SVIL: variants seen among roughly 807,000 people sequenced by gnomAD.
SVIL encodes the protein archvillin.
SVIL carries 101 observed loss-of-function variants against 240.4 expected under a neutral mutation model. The observed-to-expected ratio is 0.42, with a 90% CI of 0.36 to 0.50. SVIL has a LOEUF of 0.50. Ranked by LOEUF, SVIL falls within the 20% of genes least tolerant of loss-of-function variation. SVIL has a pLI of 0.01. For synonymous variants in SVIL, 999 were observed against 1,100.0 expected (o/e 0.91, Z 1.82); for missense variants, 2,512 against 2,818.7 (o/e 0.89, Z 2.46).
At chr10:29,609,025 C>T (rs1589379099) in intron 1 of SVIL, among the ~76,000 whole-genome samples, 1 of 152,212 alleles carries the variant, frequency 6.6e-6, no homozygotes, top group Non-Finnish European at 1.5e-5. Context: ...CCCATAAAAA[C>T]CCCAGACTCA....
At chr10:29,610,419 C>T (rs926506367) in intron 1 of SVIL, among the ~76,000 whole-genome samples, 3 of 150,828 alleles carry the variant, frequency 2.0e-5, no homozygotes, top group Non-Finnish European at 4.4e-5. Context: ...AAGGCTCTCC[C>T]CTGCCCAAAC....
intron 1 of SVIL, among the ~76,000 whole-genome samples, chr10:29,602,056 T>G (rs1353046694): frequency 6.6e-6 from 1 of 152,158 alleles, no homozygotes; most frequent in African/African-American, 2.4e-5. Flanking sequence ...CGTGAAAGAT[T>G]TGGCAGTGAT....
chr10:29,682,224 C>A (rs530193340), intron 2 of SVIL, among the ~76,000 whole-genome samples: 2 of 152,280 alleles, frequency 1.3e-5, no homozygotes, highest in East Asian at 3.9e-4. Flanking sequence ...ACCACGCCCC[C>A]TCCTCAGCCC....
chr10:29,632,896 A>C (rs1429897939), intron 1 of SVIL, among the ~76,000 whole-genome samples: 1 of 152,150 alleles, frequency 6.6e-6, no homozygotes, highest in Non-Finnish European at 1.5e-5. Context: ...ATTGTAAGAC[A>C]AATTCTCTGA....
At chr10:29,532,199 T>C in intron 8 of SVIL, 27 bp from the exon 9 acceptor site, 3 of 1,603,436 alleles carry the variant, frequency 1.9e-6, no homozygotes, top group Non-Finnish European at 2.6e-6. Flanking sequence ...GCAGAGAGTA[T>C]AAGGAAGGCA....
At chr10:29,625,072 A>G (rs916489047) in intron 1 of SVIL, among the ~76,000 whole-genome samples, 1 of 149,588 alleles carries the variant, frequency 6.7e-6, no homozygotes, top group African/African-American at 2.5e-5. Context: ...TCTTAAAAAG[A>G]AAAAAAAAAC....
chr10:29,486,810 C>T (rs752986228), intron 24 of SVIL, among the ~76,000 whole-genome samples: 2 of 152,200 alleles, frequency 1.3e-5, no homozygotes, highest in Admixed American at 6.5e-5. Context: ...TTAAAAAACA[C>T]TATTCTTTGG....
At chr10:29,562,798 A>T in intron 3 of SVIL, among the ~76,000 whole-genome samples, 1 of 132,332 alleles carries the variant, frequency 7.6e-6, no homozygotes, top group African/African-American at 2.9e-5. Flanking sequence ...AAAAAAAAAG[A>T]GCCGTAAGGC....
intron 36 of SVIL, 70 bp downstream of exon 36, chr10:29,462,207 C>G: frequency 6.5e-7 from 1 of 1,544,298 alleles, no homozygotes; most frequent in Non-Finnish European, 8.7e-7. Flanking sequence ...GATGCTCTCC[C>G]CAAAGTAAAG....
chr10:29,510,033 G>T (rs1692469413), intron 17 of SVIL, among the ~76,000 whole-genome samples: 1 of 152,178 alleles, frequency 6.6e-6, no homozygotes, highest in African/African-American at 2.4e-5. Context: ...CTCCCAAGTA[G>T]CTGGGATCAC....
rs11007706 is a variant in SVIL, at chr10:29,710,553, C to T, written c.-399-23902G>A. ...ATTTAGACATCTCACTGTCAAATTACTATATAATTGTATTAATAATTATTG... is the reference window on the plus strand; with the variant it reads ...ATTTAGACATCTCACTGTCAAATTATTATATAATTGTATTAATAATTATTG... On this transcript the variant is annotated intron_variant, in intron 1 of 35. Transcript: ENST00000375400. Among the ~76,000 whole-genome samples, 37 of 152,212 alleles carry T rather than the reference C, an allele frequency of 2.4e-4. 1 individual carries two copies. In the East Asian group the frequency reaches 7.1e-3, roughly 29 times the overall value.
chr10:29,600,937 C>T (rs1308941610), intron 1 of SVIL, among the ~76,000 whole-genome samples: 2 of 152,178 alleles, frequency 1.3e-5, no homozygotes, highest in African/African-American at 2.4e-5. Context: ...GTGAACAACT[C>T]GCTTCTAGAA....
Position 29,527,044 on chromosome 10 carries a change from G to A in SVIL, c.2259C>T (p.Pro753=), listed in dbSNP as rs369988874. The A allele has an allele frequency of 1.4e-5, 22 of 1,613,694 alleles. No individual in the cohort carries two copies. The highest frequency in any genetic ancestry group is 1.7e-5 in the Non-Finnish European group (20 of 1,179,910). ...EVVIAATEPI[P]ASCSGGTHPV... is the part of the protein sequence containing the mutation. ...GGTGGGTGCCCCCAGAACACGAAGCGGGGATAGGTTCACTTTAAAAGCAAT... is the reference window on the plus strand; with the variant it reads ...GGTGGGTGCCCCCAGAACACGAAGCAGGGATAGGTTCACTTTAAAAGCAAT... The change falls in exon 13 of 38, where the codon CCC becomes CCT. Residue 753 remains proline, a synonymous_variant. Coordinates refer to ENST00000355867, the MANE Select transcript of SVIL (RefSeq NM_021738.3).
intron 29 of SVIL, among the ~76,000 whole-genome samples, chr10:29,478,271 A>AATTGTT (rs1205368066): frequency 6.6e-6 from 1 of 152,094 alleles, no homozygotes; most frequent in Admixed American, 6.5e-5. Context: ...CTTTGTTATT[A>AATTGTT]ATTGTTATTG....
intron 3 of SVIL, among the ~76,000 whole-genome samples, chr10:29,557,763 C>T (rs1181070604): frequency 2.0e-5 from 3 of 152,178 alleles, no homozygotes; most frequent in Admixed American, 6.5e-5. Context: ...CCAGTGAACA[C>T]TGCCCTCTGA....
At chr10:29,512,574 C>A (rs571283826) in intron 17 of SVIL, among the ~76,000 whole-genome samples, 161 bp downstream of exon 17, 4 of 152,170 alleles carry the variant, frequency 2.6e-5, no homozygotes, top group African/African-American at 9.7e-5. Context: ...GCCTTCTGCC[C>A]AATTTTAGCT....
intron 5 of SVIL, among the ~76,000 whole-genome samples, chr10:29,552,381 G>A (rs1366228805): frequency 2.0e-5 from 3 of 151,754 alleles, no homozygotes; most frequent in East Asian, 3.9e-4. Flanking sequence ...TGACCAACAC[G>A]GTGTAACCCC....
intron 1 of SVIL, among the ~76,000 whole-genome samples, chr10:29,722,273 A>ACG (rs1564362130): frequency 6.6e-6 from 1 of 151,762 alleles, no homozygotes; most frequent in Non-Finnish European, 1.5e-5. Context: ...AAACTGCATC[A>ACG]GCAAGTACGA....
At chr10:29,488,781 C>G in intron 22 of SVIL, 25 bp from the exon 23 acceptor site, 13 of 1,603,558 alleles carry the variant, frequency 8.1e-6, no homozygotes, top group Middle Eastern at 1.7e-4. Context: ...TAAGGAAACA[C>G]AACGCAGGAG....
Sources: gnomAD v4.1 joint callset for allele counts (sites outside exome capture counted in the v4.1 genomes callset) on GRCh38, gnomAD v4.1.1 for gene constraint, MANE v1.5 for transcripts, NCBI Gene and HGNC (gene_info 2026-07-23, HGNC 2026-07-21) for gene names.